Variants in ROBO4 observed in about 807,000 individuals in gnomAD.
ROBO4 encodes the protein roundabout guidance receptor 4, also known as roundabout homolog 4.
A neutral mutation model predicts 103.3 loss-of-function variants in ROBO4; 80 were observed. The observed-to-expected ratio is 0.77, with a 90% CI of 0.65 to 0.93. The LOEUF (loss-of-function observed/expected upper bound fraction) is 0.93, where lower values mean the gene tolerates loss of function less well. ROBO4 is among the 40% of genes least tolerant of loss of function. The pLI is 0.00. For missense variants in ROBO4, 1,333 were observed against 1,305.3 expected (o/e 1.02, Z -0.33); for synonymous variants, 504 against 529.7 (o/e 0.95, Z 0.67).
In ROBO4 at chr11:124,892,755, G is replaced by T. The variant is rs148468528; in HGVS notation, c.1547+933C>A. 1,514 of 152,540 alleles carry T rather than the reference G, an allele frequency of 9.9e-3. 8 individuals are homozygous for T. The highest frequency in any genetic ancestry group is 0.015 in the Non-Finnish European group (1,031 of 68,228). The allele number at this position is 152,540 out of a possible 1,614,324, so 9.4% of individuals were successfully genotyped here. Reference sequence around the variant, plus strand: ...CAGGTGGAGGCTATTCCAAAGGAAAGAATGAACCAAAGATCAGAAGGAATC... The same window carrying T: ...CAGGTGGAGGCTATTCCAAAGGAAATAATGAACCAAAGATCAGAAGGAATC... On this transcript the variant is annotated intron_variant, in intron 10 of 17. Coordinates refer to ENST00000306534, the MANE Select transcript of ROBO4 (RefSeq NM_019055.6).
rs1422708849 is a variant in ROBO4 at position 124,896,676 on chromosome 11, G to T, written c.401-6C>A. The stretch of plus-strand genomic sequence containing the variant: ...CTGGAAATCCTCCCGGAGGACTGTG[G>T]GGAGGATGGAAGGTGACACGGAGCA... On this transcript the variant is annotated splice_region_variant and splice_polypyrimidine_tract_variant and intron_variant, in intron 2 of 17. Transcript: ENST00000306534. 6.2e-7 allele frequency: 1 copy of T among 1,613,710 alleles called. No individual in the cohort carries two copies. The highest frequency in any genetic ancestry group is 1.3e-5 in the African/African-American group (1 of 75,044).
In ROBO4 at chr11:124,895,595, C is replaced by T. The variant is rs138580241; in HGVS notation, c.898G>A (p.Glu300Lys). 4 of 1,613,672 alleles carry T rather than the reference C, an allele frequency of 2.5e-6. No individual in the cohort carries two copies. Among genetic ancestry groups the T allele is most frequent in the Non-Finnish European group, 3.4e-6 (4 of 1,180,028 alleles). Reference sequence around the variant, plus strand: ...GCGCTCTGCCAGCCGGCCAGCAGCTCCTCTGCCCACGGAGCTCCCTGGCCT... The same window carrying T: ...GCGCTCTGCCAGCCGGCCAGCAGCTTCTCTGCCCACGGAGCTCCCTGGCCT... ...PGGQGAPWAE[E>K]LLAGWQSAEL... The change falls in exon 6 of 18, where the codon GAG (glutamate) becomes AAG (lysine). Residue 300 changes from glutamate (E) to lysine (K), a missense_variant. Physicochemically the swap from Glu to Lys is moderately conservative, Grantham distance 56 (BLOSUM62 1). Transcript: ENST00000306534.
chr11:124,886,737 C>T lies in ROBO4; in HGVS notation c.2521G>A (p.Asp841Asn), dbSNP rs1315856047. The T allele has an allele frequency of 1.3e-6, 2 of 1,590,888 alleles. No individual in the cohort carries two copies. Among genetic ancestry groups the T allele is most frequent in the Admixed American group, 3.4e-5 (2 of 58,412 alleles). Residue 841 changes from aspartate (D) to asparagine (N), a missense_variant, in exon 16 of 18, where the codon GAC (aspartate) becomes AAC (asparagine). Physicochemically the swap from Asp to Asn is conservative, Grantham distance 23. Transcript: ENST00000306534. ...ACCCCTCCTCCAGTCCTGCCCATGT[C>T]CGTGAACTCTGAGGCTGTTGGGACG... ...ISVPTASEFT[D>N]MGRTGGGVGP...
At chr11:124,895,998 C>T in intron 4 of ROBO4, 86 bp from the exon 5 acceptor site, 2 of 1,577,354 alleles carry the variant, frequency 1.3e-6, no homozygotes, top group South Asian at 1.1e-5. Context: ...AGGGAGGAAC[C>T]CCAGGGAACC....
rs955898432 is a variant in ROBO4, at chr11:124,895,911, C to G, written c.681G>C (p.Glu227Asp). 2 of 1,613,564 alleles carry G rather than the reference C, an allele frequency of 1.2e-6. No individual in the cohort carries two copies. The highest frequency in any genetic ancestry group is 1.7e-5 in the Admixed American group (1 of 60,008). The change falls in exon 5 of 18, where the codon GAG becomes GAC. Residue 227 changes from glutamate to aspartate, a missense_variant and splice_region_variant. By Grantham distance (45) the Glu-to-Asp change is conservative. Transcript: ENST00000306534. ...CCACAGGCTCCGTGTAGTCCTGGGGCTCTGTGGGGAGGATAGGGCTGGGCT... is the reference window on the plus strand; with the variant it reads ...CCACAGGCTCCGTGTAGTCCTGGGGGTCTGTGGGGAGGATAGGGCTGGGCT... The part of the protein sequence containing the change: ...ESRAARVSIQ[E>D]PQDYTEPVEL...
At chr11:124,892,470 C>T in intron 10 of ROBO4, 1 of 195,994 alleles carries the variant, frequency 5.1e-6, no homozygotes, top group Non-Finnish European at 1.1e-5. Flanking sequence ...ATAGCCTTTG[C>T]TCTGACCCAT....
chr11:124,886,956 G>C lies in ROBO4; in HGVS notation c.2435+21C>G, dbSNP rs1946723824. 2.5e-6 allele frequency: 4 copies of C among 1,589,334 alleles called. No homozygotes were observed. In the East Asian group the frequency reaches 9.0e-5, roughly 36 times the overall value. On this transcript the variant is annotated intron_variant, in intron 15 of 17. Coordinates refer to ENST00000306534, the MANE Select transcript of ROBO4 (RefSeq NM_019055.6). ...CCCACAGCTTTTCTGTAGTTCTTTG[G>C]TTATCTCTCAAGCTACTCACCTGGG...
chr11:124,886,145 C>G (rs1414381802), intron 16 of ROBO4, among the ~76,000 whole-genome samples: 14 of 152,206 alleles, frequency 9.2e-5, no homozygotes, highest in African/African-American at 3.1e-4. Flanking sequence ...GAGCTGAGAT[C>G]ATGCCACTGC....
intron 3 of ROBO4, 71 bp from the exon 4 acceptor site, chr11:124,896,389 C>T: frequency 3.8e-6 from 6 of 1,599,144 alleles, no homozygotes; most frequent in Non-Finnish European, 4.3e-6. Context: ...AAGTTTGAGG[C>T]CCCCTGCTCT....
intron 1 of ROBO4, 71 bp downstream of exon 1, chr11:124,897,655 C>A: frequency 7.2e-7 from 1 of 1,383,426 alleles, no homozygotes; most frequent in South Asian, 1.2e-5. Flanking sequence ...AGCAGGCAGT[C>A]AGCAGGCCCC....
chr11:124,896,324 A>C lies in ROBO4; in HGVS notation c.559-6T>G. The C allele has an allele frequency of 2.5e-6, 4 of 1,613,818 alleles. No homozygotes were observed. Among genetic ancestry groups the C allele is most frequent in the Non-Finnish European group, 3.4e-6 (4 of 1,179,916 alleles). On this transcript the variant is annotated splice_region_variant and splice_polypyrimidine_tract_variant and intron_variant, in intron 3 of 17. Transcript: ENST00000306534. ...AGCAGGGACCCCCCGGACACCTGTC[A>C]GGGCCAGGTTCACTGTGAAGTCTCC...
chr11:124,893,580 C>T (rs1330703405), intron 10 of ROBO4, 108 bp downstream of exon 10: 14 of 968,980 alleles, frequency 1.4e-5, no homozygotes, highest in South Asian at 3.9e-5. Flanking sequence ...TCATGTACGA[C>T]AGTCCCAAAC....
At position 124,887,004 on chromosome 11, in the gene ROBO4, T is replaced by C; in HGVS notation, c.2408A>G (p.Glu803Gly). The change falls in exon 15 of 18, where the codon GAA becomes GGA. Residue 803 changes from glutamate to glycine, a missense_variant. Physicochemically the swap from Glu to Gly is moderately conservative, Grantham distance 98 (BLOSUM62 -2). Coordinates refer to ENST00000306534, the MANE Select transcript of ROBO4 (RefSeq NM_019055.6). ...LTPEEVALCL[E>G]LSEGEETPRN... ...GGGAGTCTCCTCACCCTCACTGAGT[T>C]CCAAGCACAGGGCTACCTCCTCAGG... is the stretch of plus-strand genomic sequence containing the variant. 1 of 1,613,182 alleles carries C rather than the reference T, an allele frequency of 6.2e-7. No homozygotes were observed. Among genetic ancestry groups the C allele is most frequent in the East Asian group, 2.2e-5 (1 of 44,842 alleles).
At chr11:124,889,622 A>C (rs1946770657) in intron 12 of ROBO4, among the ~76,000 whole-genome samples, 1 of 152,238 alleles carries the variant, frequency 6.6e-6, no homozygotes, top group Admixed American at 6.5e-5. Context: ...ACTGAGCAGA[A>C]CTAAGAACCT....
intron 6 of ROBO4, 54 bp downstream of exon 6, chr11:124,895,403 A>G: frequency 1.3e-6 from 2 of 1,540,892 alleles, no homozygotes; most frequent in Non-Finnish European, 1.8e-6. Context: ...GGGCCCCCAA[A>G]TAAGAAGGAG....
intron 1 of ROBO4, 23 bp from the exon 2 acceptor site, chr11:124,897,284 C>T: frequency 7.1e-7 from 1 of 1,417,566 alleles, no homozygotes; most frequent in African/African-American, 1.4e-5. Flanking sequence ...GGGAGCAGAG[C>T]CCAGTCTGAT....
In ROBO4 at chr11:124,885,874, T is replaced by C. The variant is rs1591529270; in HGVS notation, c.2794+590A>G. Among the ~76,000 whole-genome samples, 4 of 152,222 alleles carry C rather than the reference T, an allele frequency of 2.6e-5. No homozygotes were observed. The South Asian group carries it at 8.3e-4, about 32-fold the overall frequency. On this transcript the variant is annotated intron_variant, in intron 16 of 17. Transcript: ENST00000306534. ...AGTCCTAGAGGCAGGGAAATGGACC[T>C]ACAGTTGGCTGCCTTTAGAACTGGA...
chr11:124,897,675 G>C, intron 1 of ROBO4, 51 bp downstream of exon 1: 1 of 1,558,158 alleles, frequency 6.4e-7, no homozygotes, highest in South Asian at 1.1e-5. Flanking sequence ...CTTCTGCCCT[G>C]AGCAGGCCTT....
At position 124,894,303 on chromosome 11, in the gene ROBO4, G is replaced by A. The variant is rs1946846730; in HGVS notation, c.1216C>T (p.Leu406=). The part of the protein sequence containing the change: ...NWTVVGEQTQ[L]EIATHMPGSY... ...CCTGGCATATGGGTGGCGATTTCCA[G>A]CTGGGTCTGCTCACCAACTACAGTC... Residue 406 remains leucine, a synonymous_variant, in exon 8 of 18, where the codon CTG becomes TTG. Coordinates refer to ENST00000306534, the MANE Select transcript of ROBO4 (RefSeq NM_019055.6). The A allele has an allele frequency of 1.2e-6, 2 of 1,613,984 alleles. No homozygotes were observed. Among genetic ancestry groups the A allele is most frequent in the South Asian group, 2.2e-5 (2 of 91,084 alleles).
Sources: gnomAD v4.1 joint callset for allele counts (sites outside exome capture counted in the v4.1 genomes callset) on GRCh38, gnomAD v4.1.1 for gene constraint, MANE v1.5 for transcripts, NCBI Gene and HGNC (gene_info 2026-07-23, HGNC 2026-07-21) for gene names.